The following KCNH7 variants were observed in gnomAD, a reference collection of about 807,000 sequenced individuals.
KCNH7 encodes voltage-gated inwardly rectifying potassium channel KCNH7.
In KCNH7, 49 loss-of-function variants were observed where a neutral mutation model predicts 120.8. The observed-to-expected ratio is 0.41, with a 90% CI of 0.32 to 0.51. KCNH7 has a LOEUF of 0.51. Among genes scored for constraint, KCNH7 ranks in the 20% least tolerant of loss-of-function variants. KCNH7 has a pLI of 0.38. For synonymous variants in KCNH7, 547 were observed against 516.1 expected, an observed-to-expected ratio of 1.06 and a Z score of -0.81; for missense variants, 1,097 against 1,446.6, an observed-to-expected ratio of 0.76 and a Z score of 3.92.
chr2:162,374,408 A>G (rs1553468762), intron 14 of KCNH7, among the ~76,000 whole-genome samples: 1 of 152,198 alleles, frequency 6.6e-6, no homozygotes, highest in Non-Finnish European at 1.5e-5. Context: ...ATAGCAAAAT[A>G]TAATTGGTCA....
At chr2:162,794,871 A>G (rs1404484940) in intron 2 of KCNH7, among the ~76,000 whole-genome samples, 1 of 152,090 alleles carries the variant, frequency 6.6e-6, no homozygotes, top group African/African-American at 2.4e-5. Context: ...GCATAGAAAC[A>G]CATCAATTAT....
chr2:162,798,241 C>T (rs1463351306), intron 2 of KCNH7, among the ~76,000 whole-genome samples: 1 of 151,964 alleles, frequency 6.6e-6, no homozygotes, highest in Non-Finnish European at 1.5e-5. Flanking sequence ...AGTAGTTTGC[C>T]CTAAGGCTTT....
intron 2 of KCNH7, among the ~76,000 whole-genome samples, chr2:162,627,032 T>C (rs1683585931): frequency 6.6e-6 from 1 of 152,212 alleles, no homozygotes; most frequent in South Asian, 2.1e-4. Flanking sequence ...AACTATTTGT[T>C]AATTAGTGAG....
chr2:162,623,890 C>T (rs1379788471), intron 2 of KCNH7, among the ~76,000 whole-genome samples: 1 of 152,106 alleles, frequency 6.6e-6, no homozygotes, highest in Non-Finnish European at 1.5e-5. Flanking sequence ...TTTTGTTTTC[C>T]TCAGTTTATT....
At chr2:162,476,409 C>T (rs1303499611) in intron 6 of KCNH7, among the ~76,000 whole-genome samples, 1 of 152,202 alleles carries the variant, frequency 6.6e-6, no homozygotes, top group Non-Finnish European at 1.5e-5. Context: ...CAGCAAAACT[C>T]ATTATCCTGA....
At chr2:162,585,130 T>A (rs1197126805) in intron 2 of KCNH7, among the ~76,000 whole-genome samples, 1 of 151,976 alleles carries the variant, frequency 6.6e-6, no homozygotes, top group Admixed American at 6.6e-5. Flanking sequence ...AACTGCTGGG[T>A]GTGGGCTCTC....
At chr2:162,745,938 A>T (rs1201605403) in intron 2 of KCNH7, among the ~76,000 whole-genome samples, 1 of 151,900 alleles carries the variant, frequency 6.6e-6, no homozygotes, top group African/African-American at 2.4e-5. Context: ...AAAGTTTGCT[A>T]CCTCCCAGCT....
chr2:162,516,291 T>C (rs1691292596), intron 4 of KCNH7, among the ~76,000 whole-genome samples: 1 of 151,674 alleles, frequency 6.6e-6, no homozygotes, highest in South Asian at 2.1e-4. Flanking sequence ...TATGTAAATA[T>C]TGGTTTGCAC....
At chr2:162,439,614 A>C (rs1688358549) in intron 7 of KCNH7, among the ~76,000 whole-genome samples, 1 of 152,040 alleles carries the variant, frequency 6.6e-6, no homozygotes, top group Non-Finnish European at 1.5e-5. Flanking sequence ...TTTTTAATGT[A>C]TCTTGTCAAT....
At chr2:162,690,026 C>T (rs1488750373) in intron 2 of KCNH7, among the ~76,000 whole-genome samples, 2 of 152,142 alleles carry the variant, frequency 1.3e-5, no homozygotes, top group East Asian at 3.8e-4. Flanking sequence ...GGTACATATA[C>T]ACCATGGAAT....
At chr2:162,546,387 AC>A (rs1692477601) in intron 2 of KCNH7, among the ~76,000 whole-genome samples, 1 of 152,094 alleles carries the variant, frequency 6.6e-6, no homozygotes, top group African/African-American at 2.4e-5. Flanking sequence ...TTATGTTATC[AC>A]ACCTCAAATG....
At chr2:162,394,639 C>T (rs1282886145) in intron 11 of KCNH7, among the ~76,000 whole-genome samples, 154 bp from the exon 12 acceptor site, 2 of 151,902 alleles carry the variant, frequency 1.3e-5, no homozygotes, top group Non-Finnish European at 2.9e-5. Context: ...TTGCTTAATA[C>T]TTGTCTCTTT....
At chr2:162,457,323 A>AAG (rs1237284132) in intron 6 of KCNH7, among the ~76,000 whole-genome samples, 1 of 152,112 alleles carries the variant, frequency 6.6e-6, no homozygotes, top group Non-Finnish European at 1.5e-5. Flanking sequence ...ATTTTCTTTT[A>AAG]AGAGAGAGAG....
At chr2:162,508,686 C>A (rs1235829536) in intron 5 of KCNH7, among the ~76,000 whole-genome samples, 1 of 151,124 alleles carries the variant, frequency 6.6e-6, no homozygotes, top group Non-Finnish European at 1.5e-5. Context: ...GAATATGAGG[C>A]CAGAAAAGAA....
At position 162,767,260 on chromosome 2, in the gene KCNH7, G is replaced by T. The variant is rs570255621; in HGVS notation, c.307+69277C>A. Reference sequence around the variant, plus strand: ...AGAAGTGAATTTACTCAGTTAAAGAGTATGGCACATTTAAAAAAATAAAAA... The same window carrying T: ...AGAAGTGAATTTACTCAGTTAAAGATTATGGCACATTTAAAAAAATAAAAA... On this transcript the variant is annotated intron_variant, in intron 2 of 15. Transcript: ENST00000332142. Among the ~76,000 whole-genome samples, 122 of 152,104 alleles carry T rather than the reference G, an allele frequency of 8.0e-4. 1 individual carries two copies. The highest frequency in any genetic ancestry group is 2.9e-3 in the African/African-American group (120 of 41,510).
chr2:162,632,148 T>C (rs190793730), intron 2 of KCNH7, among the ~76,000 whole-genome samples: 2 of 151,956 alleles, frequency 1.3e-5, no homozygotes, highest in African/African-American at 4.8e-5. Flanking sequence ...TGAAAACTAC[T>C]GAAAGACATA....
intron 2 of KCNH7, among the ~76,000 whole-genome samples, chr2:162,627,542 T>A (rs1413432577): frequency 6.6e-6 from 1 of 152,200 alleles, no homozygotes; most frequent in Non-Finnish European, 1.5e-5. Flanking sequence ...TCAATAGGAA[T>A]TATTTAAAAT....
intron 6 of KCNH7, among the ~76,000 whole-genome samples, chr2:162,470,299 G>C (rs1689466498): frequency 6.6e-6 from 1 of 151,220 alleles, no homozygotes; most frequent in African/African-American, 2.4e-5. Flanking sequence ...CTGAGATGTG[G>C]GGAGCGCCTC....
At chr2:162,398,698 A>G (rs1327551888) in intron 10 of KCNH7, among the ~76,000 whole-genome samples, 1 of 151,954 alleles carries the variant, frequency 6.6e-6, no homozygotes, top group Non-Finnish European at 1.5e-5. Context: ...TGATAAAGCA[A>G]GAAAGCTTAT....
Sources: gnomAD v4.1 joint callset for allele counts (sites outside exome capture counted in the v4.1 genomes callset) on GRCh38, gnomAD v4.1.1 for gene constraint, MANE v1.5 for transcripts, NCBI Gene and HGNC (gene_info 2026-07-23, HGNC 2026-07-21) for gene names.